Variants in ASMTL observed in about 807,000 individuals in gnomAD.
ASMTL encodes the protein probable bifunctional dTTP/UTP pyrophosphatase/methyltransferase protein.
In ASMTL, 57 loss-of-function variants were observed where a neutral mutation model predicts 60.3. The observed-to-expected ratio is 0.95, with a 90% CI of 0.76 to 1.18. The LOEUF is 1.18. Among genes scored for constraint, ASMTL ranks in the 50% most tolerant of loss-of-function variants. The probability of loss-of-function intolerance (pLI) is 0.00; values close to 1 mark genes in which losing one functional copy is unlikely to be tolerated. For synonymous variants in ASMTL, 419 were observed against 373.0 expected (o/e 1.12, Z -1.42); for missense variants, 981 against 852.6 (o/e 1.15, Z -1.88).
Position 1,452,779 on chromosome X carries a change from G to T in ASMTL, c.62C>A (p.Ser21Tyr). Residue 21 changes from serine to tyrosine, a missense_variant, in exon 1 of 13, where the codon TCC (serine) becomes TAC (tyrosine). Coordinates refer to ENST00000381317, the MANE Select transcript of ASMTL (RefSeq NM_004192.4). ...GCTGAGGATCTCCTGACGGCGTGGG[G>T]AGGCGCTGGCCAGCACCACGCGCTT... Reference protein sequence around the residue: ...LHKRVVLASASPRRQEILSNA... With the variant: ...LHKRVVLASAYPRRQEILSNA... The T allele has an allele frequency of 6.3e-7, 1 of 1,597,166 alleles. No individual in the cohort carries two copies.
chrX:1,447,812 CA>C (rs2091261391), intron 1 of ASMTL, among the ~76,000 whole-genome samples: 1 of 151,844 alleles, frequency 6.6e-6, no homozygotes, highest in African/African-American at 2.4e-5. Flanking sequence ...CTTGGACACA[CA>C]CAGCTATCTT....
intron 12 of ASMTL, 88 bp from the exon 13 acceptor site, chrX:1,403,577 C>T: frequency 7.9e-7 from 1 of 1,259,008 alleles, no homozygotes; most frequent in Non-Finnish European, 1.1e-6. Flanking sequence ...GCAACAGGAG[C>T]TCAGAACGGT....
chrX:1,451,312 C>G (rs2091376802), intron 1 of ASMTL, among the ~76,000 whole-genome samples: 1 of 149,344 alleles, frequency 6.7e-6, no homozygotes. Context: ...CTCCCCTTCC[C>G]CATCCCTAGG....
chrX:1,439,118 G>T lies in ASMTL; in HGVS notation c.252C>A (p.Val84=), dbSNP rs761554692. The change falls in exon 3 of 13, where the codon GTC becomes GTA. Residue 84 remains valine, a synonymous_variant. Transcript: ENST00000381317. ...YQKDLRAPDV[V]IGADTIVTVG... The stretch of plus-strand genomic sequence containing the variant: ...TCACCACGATCGTGTCCGCTCCAAT[G>T]ACCACGTCGGGGGCCCGCAGGTCTT... 1 of 1,613,992 alleles carries T rather than the reference G, an allele frequency of 6.2e-7. No individual in the cohort carries two copies. The highest frequency in any genetic ancestry group is 1.1e-5 in the South Asian group (1 of 91,076).
In ASMTL at chrX:1,435,018, T is replaced by A; in HGVS notation, c.400+4A>T. The A allele has an allele frequency of 6.2e-7, 1 of 1,613,720 alleles. No individual in the cohort carries two copies. The highest frequency in any genetic ancestry group is 8.5e-7 in the Non-Finnish European group (1 of 1,179,830). ...GGCTACCCCGAAACCTGGGCCGCGGTTACCTTTGCTGGAGCAGTGGACGAT... is the reference window on the plus strand; with the variant it reads ...GGCTACCCCGAAACCTGGGCCGCGGATACCTTTGCTGGAGCAGTGGACGAT... On this transcript the variant is annotated splice_donor_region_variant and intron_variant, in intron 5 of 12. Transcript: ENST00000381317.
chrX:1,418,267 A>G, intron 10 of ASMTL, 151 bp from the exon 11 acceptor site: 1 of 832,154 alleles, frequency 1.2e-6, no homozygotes, highest in South Asian at 1.8e-5. Flanking sequence ...GCTCGCTGGT[A>G]TCCCAGACAA....
At chrX:1,434,937 T>G (rs2090920572) in intron 5 of ASMTL, 85 bp downstream of exon 5, 1 of 1,488,018 alleles carries the variant, frequency 6.7e-7, no homozygotes, top group South Asian at 1.1e-5. Context: ...GCAACCGTCC[T>G]CCTCCCTCAA....
In ASMTL at chrX:1,442,460, T is replaced by C. The variant is rs1353680275; in HGVS notation, c.94-143A>G. On this transcript the variant is annotated intron_variant, in intron 1 of 12. Coordinates refer to ENST00000381317, the MANE Select transcript of ASMTL (RefSeq NM_004192.4). ...GGTGAGCTCATCCATCCGCCAAGCT[T>C]TCCCTAAGTGTGGCTGGGGAGCCGG... 177 of 965,386 alleles carry C rather than the reference T, an allele frequency of 1.8e-4. 1 individual carries two copies. Among genetic ancestry groups the C allele is most frequent in the Non-Finnish European group, 1.4e-5 (9 of 641,310 alleles). 59.8% of individuals were successfully genotyped at this position (965,386 alleles called of 1,614,324 possible).
intron 11 of ASMTL, 47 bp from the exon 12 acceptor site, chrX:1,412,901 C>A: frequency 6.2e-7 from 1 of 1,610,436 alleles, no homozygotes; most frequent in East Asian, 2.2e-5. Context: ...ATGGAAGAAG[C>A]AGTCCTCCCC....
upstream of ASMTL, among the ~76,000 whole-genome samples, chrX:1,453,374 G>T (rs1390132110): frequency 8.3e-6 from 1 of 120,214 alleles, no homozygotes; most frequent in Non-Finnish European, 1.8e-5. Flanking sequence ...CGCCCCGGCC[G>T]CTTGGTGAAG....
chrX:1,432,116 T>C lies in ASMTL; in HGVS notation c.509+153A>G, dbSNP rs1361983963. On this transcript the variant is annotated intron_variant, in intron 6 of 12. Transcript: ENST00000381317. ...CATGGGTCAGTGTGGTCGTGAAGGG[T>C]TTGTGCTTCTGAGCCGGGCGGCTCT... 7.8e-6 allele frequency: 5 copies of C among 641,264 alleles called. No individual in the cohort carries two copies. In the East Asian group the frequency reaches 1.4e-4, roughly 18 times the overall value. 39.7% of individuals were successfully genotyped at this position (641,264 alleles called of 1,614,324 possible).
intron 2 of ASMTL, among the ~76,000 whole-genome samples, chrX:1,440,488 T>C (rs2091083604): frequency 6.6e-6 from 1 of 152,256 alleles, no homozygotes; most frequent in Non-Finnish European, 1.5e-5. Flanking sequence ...GATAGCATTA[T>C]ATTCATTGTA....
At chrX:1,417,329 A>G (rs1465103256) in intron 11 of ASMTL, among the ~76,000 whole-genome samples, 1 of 151,960 alleles carries the variant, frequency 6.6e-6, no homozygotes, top group Non-Finnish European at 1.5e-5. Flanking sequence ...AGACATGCAC[A>G]CATATATCCA....
chrX:1,428,983 G>A (rs1476398860), intron 6 of ASMTL, among the ~76,000 whole-genome samples: 5 of 151,162 alleles, frequency 3.3e-5, no homozygotes, highest in Non-Finnish European at 5.9e-5. Flanking sequence ...TGCAACCTCC[G>A]CCTCCTGGGT....
At chrX:1,433,150 G>C (rs1569533929) in intron 5 of ASMTL, among the ~76,000 whole-genome samples, 1 of 151,994 alleles carries the variant, frequency 6.6e-6, no homozygotes. Context: ...TCAGGGTCCG[G>C]ACACAGAGCC....
Position 1,412,776 on chromosome X carries a change from T to C in ASMTL, c.1601A>G (p.Lys534Arg). 6.2e-7 allele frequency: 1 copy of C among 1,613,966 alleles called. No homozygotes were observed. Among genetic ancestry groups the C allele is most frequent in the Non-Finnish European group, 8.5e-7 (1 of 1,179,858 alleles). ...GACCCTGCTGAGTAACTTGTGGACT[T>C]TGTCGTCTGGCCAGTCATGCAGGAT... ...CRILHDWPDD[K>R]VHKLLSRVAE... Residue 534 changes from lysine (K) to arginine (R), a missense_variant, in exon 12 of 13, where the codon AAA becomes AGA. Coordinates refer to ENST00000381317, the MANE Select transcript of ASMTL (RefSeq NM_004192.4).
At chrX:1,430,652 G>A (rs2090744499) in intron 6 of ASMTL, among the ~76,000 whole-genome samples, 2 of 151,624 alleles carry the variant, frequency 1.3e-5, no homozygotes, top group Non-Finnish European at 2.9e-5. Flanking sequence ...TGCGTCTGCA[G>A]ACCCAGCCAC....
At position 1,403,370 on chromosome X, in the gene ASMTL, C is replaced by T. The variant is rs371685612; in HGVS notation, c.1765G>A (p.Glu589Lys). The T allele has an allele frequency of 1.1e-5, 18 of 1,613,338 alleles. No individual in the cohort carries two copies. The highest frequency in any genetic ancestry group is 9.3e-5 in the African/African-American group (7 of 74,936). Residue 589 changes from glutamate to lysine, a missense_variant, in exon 13 of 13, where the codon GAG (glutamate) becomes AAG (lysine). By Grantham distance (56) the Glu-to-Lys change is moderately conservative. Coordinates refer to ENST00000381317, the MANE Select transcript of ASMTL (RefSeq NM_004192.4). Reference sequence around the variant, plus strand: ...TGCAGCTCCAGCAAGCACTGATACTCGCCCAGGCTCCGCTCCTTGCCTTCA... The same window carrying T: ...TGCAGCTCCAGCAAGCACTGATACTTGCCCAGGCTCCGCTCCTTGCCTTCA... ...QTEGKERSLG[E>K]YQCLLELHGF...
chrX:1,435,645 C>T (rs772225803), intron 4 of ASMTL, 49 bp downstream of exon 4: 4 of 1,578,956 alleles, frequency 2.5e-6, no homozygotes, highest in East Asian at 4.5e-5. Context: ...ACCACAGCTA[C>T]TCTGTGGCTC....
Sources: gnomAD v4.1 joint callset for allele counts (sites outside exome capture counted in the v4.1 genomes callset) on GRCh38, gnomAD v4.1.1 for gene constraint, MANE v1.5 for transcripts, NCBI Gene and HGNC (gene_info 2026-07-23, HGNC 2026-07-21) for gene names.